SLC24A2: variants seen among roughly 807,000 people sequenced by gnomAD.
SLC24A2 encodes the protein sodium/potassium/calcium exchanger 2.
In SLC24A2, 36 loss-of-function variants were observed where a neutral mutation model predicts 62.0. The observed-to-expected ratio is 0.58, with a 90% confidence interval of 0.44 to 0.77. The LOEUF (loss-of-function observed/expected upper bound fraction) is 0.77, where lower values mean the gene tolerates loss of function less well. SLC24A2 is among the 30% of genes least tolerant of loss of function. The pLI, the probability that SLC24A2 is intolerant of heterozygous loss-of-function variation, is 0.00. For missense variants in SLC24A2, 846 were observed against 817.9 expected, an observed-to-expected ratio of 1.03 and a Z score of -0.42; for synonymous variants, 358 against 294.0, an observed-to-expected ratio of 1.22 and a Z score of -2.23.
the SLC24A2 span, among the ~76,000 whole-genome samples, chr9:19,818,309 G>C: frequency 6.6e-5 from 10 of 152,236 alleles, no homozygotes; most frequent in African/African-American, 2.4e-4. Flanking sequence ...AGCCAGAGAA[G>C]CAGAGAATCT....
At chr9:20,144,394 C>T in the SLC24A2 span, among the ~76,000 whole-genome samples, 8 of 152,162 alleles carry the variant, frequency 5.3e-5, no homozygotes, top group African/African-American at 1.7e-4. Context: ...ACAAACACAG[C>T]CTTCTGTTAT....
At chr9:20,023,931 T>C in the SLC24A2 span, among the ~76,000 whole-genome samples, 3 of 152,248 alleles carry the variant, frequency 2.0e-5, no homozygotes, top group Non-Finnish European at 4.4e-5. Flanking sequence ...GAGGAAGCTC[T>C]GTGCTATAAA....
At chr9:20,137,276 T>C in the SLC24A2 span, among the ~76,000 whole-genome samples, 1 of 152,144 alleles carries the variant, frequency 6.6e-6, no homozygotes. Context: ...ACTTGCATAG[T>C]TGAATTTAAA....
intron 2 of SLC24A2, among the ~76,000 whole-genome samples, chr9:19,736,212 TATA>T (rs1251160755): frequency 6.6e-6 from 1 of 151,908 alleles, no homozygotes; most frequent in South Asian, 2.1e-4. Flanking sequence ...GGAAACAAAA[TATA>T]ATAATAATAC....
chr9:19,603,753 G>A (rs147332285), intron 4 of SLC24A2, among the ~76,000 whole-genome samples: 244 of 152,190 alleles, frequency 1.6e-3, no homozygotes, highest in African/African-American at 5.6e-3. Flanking sequence ...CATTATCAAG[G>A]TAATCATTTC....
At chr9:19,894,225 G>A in the SLC24A2 span, among the ~76,000 whole-genome samples, 2 of 152,150 alleles carry the variant, frequency 1.3e-5, no homozygotes, top group Non-Finnish European at 2.9e-5. Context: ...ATCTCACACT[G>A]CTTCTTGAGC....
the SLC24A2 span, among the ~76,000 whole-genome samples, chr9:20,157,427 A>G: frequency 6.6e-6 from 1 of 151,770 alleles, no homozygotes; most frequent in African/African-American, 2.4e-5. Flanking sequence ...AGACTTCATG[A>G]AAAACAGGGG....
chr9:19,759,912 C>G (rs1361377086), intron 2 of SLC24A2, among the ~76,000 whole-genome samples: 1 of 152,088 alleles, frequency 6.6e-6, no homozygotes. Context: ...AATAATGTGG[C>G]CTTTTAAAAT....
intron 7 of SLC24A2, among the ~76,000 whole-genome samples, chr9:19,562,610 C>G (rs1586965161): frequency 6.6e-6 from 1 of 152,172 alleles, no homozygotes; most frequent in East Asian, 1.9e-4. Flanking sequence ...GAACTGGACC[C>G]CAGTTTTTCC....
the SLC24A2 span, among the ~76,000 whole-genome samples, chr9:20,062,513 C>T: frequency 0.25 from 19,865 of 81,010 alleles, 3,085 homozygotes; most frequent in East Asian, 0.51. Context: ...AAGACTTAAA[C>T]GTTAGACCTA....
At chr9:19,520,289 G>C (rs1233182471) in intron 10 of SLC24A2, among the ~76,000 whole-genome samples, 1 of 152,180 alleles carries the variant, frequency 6.6e-6, no homozygotes, top group African/African-American at 2.4e-5. Flanking sequence ...AAATGGTGGA[G>C]ATCGCAGCAC....
At chr9:19,972,688 A>G in the SLC24A2 span, among the ~76,000 whole-genome samples, 1 of 152,202 alleles carries the variant, frequency 6.6e-6, no homozygotes, top group Non-Finnish European at 1.5e-5. Context: ...TTATATGTCT[A>G]CATTTTCTAT....
At chr9:19,712,863 C>G (rs914774095) in intron 2 of SLC24A2, among the ~76,000 whole-genome samples, 1 of 152,128 alleles carries the variant, frequency 6.6e-6, no homozygotes, top group Non-Finnish European at 1.5e-5. Context: ...TGTTCTCTAT[C>G]CACCAGATGC....
intron 2 of SLC24A2, among the ~76,000 whole-genome samples, chr9:19,745,113 G>C (rs1821794529): frequency 6.6e-6 from 1 of 152,074 alleles, no homozygotes; most frequent in African/African-American, 2.4e-5. Flanking sequence ...TTCTTGCACT[G>C]AGTTCATGTG....
the SLC24A2 span, among the ~76,000 whole-genome samples, chr9:19,811,033 G>A: frequency 1.3e-5 from 2 of 152,038 alleles, no homozygotes; most frequent in African/African-American, 2.4e-5. Context: ...AATAAGTTAC[G>A]GACTGAATGC....
chr9:19,828,897 C>T, the SLC24A2 span, among the ~76,000 whole-genome samples: 1,499 of 152,196 alleles, frequency 9.8e-3, 13 homozygotes, highest in Non-Finnish European at 0.015. Flanking sequence ...TCCCAACATC[C>T]TATTTGCAAT....
chr9:19,735,877 A>AG (rs1360073767), intron 2 of SLC24A2, among the ~76,000 whole-genome samples: 5 of 152,042 alleles, frequency 3.3e-5, no homozygotes, highest in South Asian at 2.1e-4. Flanking sequence ...GGGAAGGGGG[A>AG]GGATAGCATT....
the SLC24A2 span, among the ~76,000 whole-genome samples, chr9:19,854,576 T>C: frequency 6.6e-6 from 1 of 152,218 alleles, no homozygotes; most frequent in Non-Finnish European, 1.5e-5. Flanking sequence ...CAGGAGCAGA[T>C]TGTTCAATTT....
At chr9:20,161,449 C>A in the SLC24A2 span, among the ~76,000 whole-genome samples, 4 of 151,284 alleles carry the variant, frequency 2.6e-5, no homozygotes, top group Admixed American at 2.0e-4. Flanking sequence ...AGGCCAATAT[C>A]CCTGATGAAT....
Sources: allele counts gnomAD v4.1 joint callset (sites outside exome capture counted in the v4.1 genomes callset), GRCh38; gene constraint gnomAD v4.1.1; transcripts MANE v1.5; gene names NCBI Gene and HGNC (gene_info 2026-07-23, HGNC 2026-07-21).